Variants in KDM4B observed in about 807,000 individuals in gnomAD.
KDM4B encodes the protein lysine demethylase 4B, also known as lysine-specific demethylase 4B.
In KDM4B, 32 loss-of-function variants were observed where a neutral mutation model predicts 125.2. The ratio of observed to expected loss-of-function variants is 0.26; its 90% CI spans 0.19 to 0.34. The LOEUF is 0.34. Ranked by LOEUF, KDM4B falls within the 10% of genes least tolerant of loss-of-function variation. The pLI is 1.00. For synonymous variants in KDM4B, 721 were observed against 677.9 expected, an observed-to-expected ratio of 1.06 and a Z score of -0.99; for missense variants, 1,190 against 1,577.7, an observed-to-expected ratio of 0.75 and a Z score of 4.16.
intron 21 of KDM4B, among the ~76,000 whole-genome samples, chr19:5,149,031 C>T (rs891712296): frequency 1.7e-4 from 26 of 152,348 alleles, no homozygotes; most frequent in Admixed American, 1.6e-3. Context: ...TCTCCCGCCG[C>T]CTGCGCCGGC....
chr19:5,139,472 G>A (rs759884495), intron 18 of KDM4B, among the ~76,000 whole-genome samples: 2 of 152,172 alleles, frequency 1.3e-5, no homozygotes, highest in African/African-American at 2.4e-5. Flanking sequence ...CTGGACCGTC[G>A]GGCAGCTCTG....
At chr19:4,978,100 C>T (rs1382112975) in intron 1 of KDM4B, among the ~76,000 whole-genome samples, 1 of 152,162 alleles carries the variant, frequency 6.6e-6, no homozygotes, top group East Asian at 1.9e-4. Context: ...CCCTAGCATG[C>T]ACTTGAGTCA....
At chr19:5,083,357 G>C (rs2038364634) in intron 9 of KDM4B, among the ~76,000 whole-genome samples, 1 of 152,168 alleles carries the variant, frequency 6.6e-6, no homozygotes, top group African/African-American at 2.4e-5. Context: ...CTCTGCCTTG[G>C]GGTCCCAGTG....
intron 2 of KDM4B, among the ~76,000 whole-genome samples, chr19:5,030,168 G>A (rs867961588): frequency 5.9e-5 from 9 of 152,092 alleles, no homozygotes; most frequent in African/African-American, 1.9e-4. Context: ...GTGCAGTGGC[G>A]CAATCACAGC....
At chr19:4,975,179 A>C (rs1022207571) in intron 1 of KDM4B, among the ~76,000 whole-genome samples, 1 of 152,110 alleles carries the variant, frequency 6.6e-6, no homozygotes, top group Non-Finnish European at 1.5e-5. Flanking sequence ...GCCGGAGAAT[A>C]AATATTTTTG....
intron 9 of KDM4B, among the ~76,000 whole-genome samples, chr19:5,108,839 C>T (rs1371596290): frequency 1.3e-5 from 2 of 152,142 alleles, no homozygotes; most frequent in Admixed American, 6.5e-5. Flanking sequence ...GTGTCTGGCA[C>T]GCGGTCCCTG....
At position 5,131,067 on chromosome 19, in the gene KDM4B, T is replaced by C; in HGVS notation, c.1316-9T>C. The stretch of plus-strand genomic sequence containing the variant: ...TCTCCTCCCTGACCTCCCTCTCCTC[T>C]TCCCACAGAGGACGGGAGGGGCAAG... On this transcript the variant is annotated splice_polypyrimidine_tract_variant and intron_variant, in intron 11 of 22. Transcript: ENST00000159111. 1 of 1,499,800 alleles carries C rather than the reference T, an allele frequency of 6.7e-7. No individual in the cohort carries two copies. Among genetic ancestry groups the C allele is most frequent in the Non-Finnish European group, 8.9e-7 (1 of 1,123,468 alleles). The allele number at this position is 1,499,800 out of a possible 1,614,324, so 92.9% of individuals were successfully genotyped here.
At chr19:5,052,399 G>T (rs982344150) in intron 6 of KDM4B, among the ~76,000 whole-genome samples, 1 of 151,910 alleles carries the variant, frequency 6.6e-6, no homozygotes, top group African/African-American at 2.4e-5. Flanking sequence ...GGGTTCCAGG[G>T]CTGCAGGGGA....
intron 6 of KDM4B, among the ~76,000 whole-genome samples, chr19:5,049,807 G>A (rs1001059077): frequency 7.2e-5 from 11 of 152,160 alleles, no homozygotes; most frequent in African/African-American, 2.4e-4. Flanking sequence ...CCCAGCAGGG[G>A]CCTGGCACAG....
At chr19:5,057,019 G>C (rs1261644282) in intron 6 of KDM4B, among the ~76,000 whole-genome samples, 1 of 146,310 alleles carries the variant, frequency 6.8e-6, no homozygotes, top group African/African-American at 2.6e-5. Flanking sequence ...GTAAGTACCA[G>C]ATATATATGC....
intron 20 of KDM4B, 65 bp from the exon 21 acceptor site, chr19:5,144,718 A>G: frequency 6.2e-7 from 1 of 1,600,354 alleles, no homozygotes; most frequent in Admixed American, 1.8e-5. Context: ...AGAGGGTCTA[A>G]AACCCAGCGA....
chr19:5,041,123 T>C lies in KDM4B; in HGVS notation c.318-14T>C. The C allele has an allele frequency of 5.1e-6, 8 of 1,569,764 alleles. No individual in the cohort carries two copies. The highest frequency in any genetic ancestry group is 7.0e-6 in the Non-Finnish European group (8 of 1,142,448). On this transcript the variant is annotated splice_polypyrimidine_tract_variant and intron_variant, in intron 4 of 22. Coordinates refer to ENST00000159111, the MANE Select transcript of KDM4B (RefSeq NM_015015.3). Reference sequence around the variant, plus strand: ...GCCTCACCCTGAGCTGGTTTTGGGGTGTTTGTTCACCAGGTACTGTACCCC... The same window carrying C: ...GCCTCACCCTGAGCTGGTTTTGGGGCGTTTGTTCACCAGGTACTGTACCCC...
At chr19:5,111,829 G>A in intron 10 of KDM4B, 2 of 765,104 alleles carry the variant, frequency 2.6e-6, no homozygotes, top group Non-Finnish European at 4.8e-6. Context: ...CAAGACCCTT[G>A]CAGATGATAG....
intron 1 of KDM4B, among the ~76,000 whole-genome samples, chr19:4,995,239 C>G (rs1360289072): frequency 6.6e-6 from 1 of 152,130 alleles, no homozygotes; most frequent in Non-Finnish European, 1.5e-5. Flanking sequence ...CCTTGCACCA[C>G]TGAAACTGAT....
chr19:5,119,280 C>T (rs960343334), intron 10 of KDM4B: 24 of 1,139,336 alleles, frequency 2.1e-5, no homozygotes, highest in Admixed American at 1.0e-4. Context: ...CTGTTTCCCT[C>T]GGAGCTCACA....
At chr19:5,056,345 C>G (rs758139484) in intron 6 of KDM4B, among the ~76,000 whole-genome samples, 2 of 152,160 alleles carry the variant, frequency 1.3e-5, no homozygotes, top group Non-Finnish European at 1.5e-5. Flanking sequence ...GTGGCACTCC[C>G]CCGCTTTCCA....
At chr19:5,023,741 A>G (rs995173571) in intron 2 of KDM4B, among the ~76,000 whole-genome samples, 8 of 145,364 alleles carry the variant, frequency 5.5e-5, no homozygotes, top group Non-Finnish European at 1.1e-4. Context: ...TTCAAAAACC[A>G]TGCACTGTCT....
chr19:5,139,005 C>T (rs985310642), intron 18 of KDM4B, among the ~76,000 whole-genome samples: 5 of 152,208 alleles, frequency 3.3e-5, no homozygotes, highest in Admixed American at 3.3e-4. Flanking sequence ...TCTCTGCAGC[C>T]TCAAACTCCT....
At chr19:4,995,791 G>A (rs2035181014) in intron 1 of KDM4B, among the ~76,000 whole-genome samples, 1 of 152,044 alleles carries the variant, frequency 6.6e-6, no homozygotes, top group African/African-American at 2.4e-5. Context: ...AAAGGGATAT[G>A]TAAGTATGGT....
Sources: allele counts gnomAD v4.1 joint callset (sites outside exome capture counted in the v4.1 genomes callset), GRCh38; gene constraint gnomAD v4.1.1; transcripts MANE v1.5; gene names NCBI Gene and HGNC (gene_info 2026-07-23, HGNC 2026-07-21).